The following TMC5 variants were observed in gnomAD, a reference collection of about 807,000 sequenced individuals.
The protein encoded by TMC5 is transmembrane channel like 5, also known as transmembrane channel-like protein 5.
TMC5 carries 86 observed loss-of-function variants against 110.5 expected under a neutral mutation model. The ratio of observed to expected loss-of-function variants is 0.78; its 90% CI spans 0.65 to 0.93. The LOEUF (loss-of-function observed/expected upper bound fraction) is 0.93. Among genes scored for constraint, TMC5 ranks in the 40% least tolerant of loss-of-function variants. TMC5 has a pLI of 0.00. For missense variants in TMC5, 1,144 were observed against 1,222.8 expected, an observed-to-expected ratio of 0.94 and a Z score of 0.96; for synonymous variants, 455 against 439.5, an observed-to-expected ratio of 1.04 and a Z score of -0.44.
intron 5 of TMC5, chr16:19,457,033 G>C: frequency 6.3e-7 from 1 of 1,586,154 alleles, no homozygotes; most frequent in South Asian, 1.1e-5. Context: ...AAATGCTGGG[G>C]AAGAGAAGTA....
At chr16:19,435,291 A>T (rs561286057) in intron 2 of TMC5, among the ~76,000 whole-genome samples, 1 of 151,238 alleles carries the variant, frequency 6.6e-6, no homozygotes, top group African/African-American at 2.4e-5. Flanking sequence ...GGAGATTGAG[A>T]CCATCCTGGC....
intron 5 of TMC5, among the ~76,000 whole-genome samples, chr16:19,457,476 A>G (rs951708732): frequency 1.7e-4 from 26 of 152,148 alleles, no homozygotes; most frequent in Non-Finnish European, 3.5e-4. Context: ...GAAGGGATCA[A>G]TTTAAGACAT....
chr16:19,415,134 C>A (rs1389087536), upstream of TMC5, among the ~76,000 whole-genome samples: 2 of 152,196 alleles, frequency 1.3e-5, no homozygotes, highest in African/African-American at 4.8e-5. Flanking sequence ...TTATTGTCTA[C>A]CTGCAGACAA....
At chr16:19,414,456 T>C (rs1209783126), upstream of TMC5, among the ~76,000 whole-genome samples, 1 of 152,222 alleles carries the variant, frequency 6.6e-6, no homozygotes, top group Non-Finnish European at 1.5e-5. Flanking sequence ...TCATGTGTGT[T>C]ATTCCAGATT....
At chr16:19,424,779 T>C (rs1967057218) in intron 1 of TMC5, among the ~76,000 whole-genome samples, 1 of 152,200 alleles carries the variant, frequency 6.6e-6, no homozygotes, top group Non-Finnish European at 1.5e-5. Flanking sequence ...TCTCTAAGAA[T>C]GTGGATGTGT....
chr16:19,463,841 G>C lies in TMC5; in HGVS notation c.1302G>C (p.Thr434=), dbSNP rs373105621. ...ILNSISLWQK[T]LKIIGGKFGT... ...ATTCCATCAGCCTGTGGCAGAAGAC[G>C]CTGAAGATCATTGGAGGCAAGTTTG... is the stretch of plus-strand genomic sequence containing the variant. The change falls in exon 8 of 22, where the codon ACG becomes ACC. Residue 434 remains threonine (T), a synonymous_variant. Coordinates refer to ENST00000542583, the MANE Select transcript of TMC5 (RefSeq NM_001261841.2). The C allele has an allele frequency of 5.6e-6, 9 of 1,614,064 alleles. No individual in the cohort carries two copies. Among genetic ancestry groups the C allele is most frequent in the Admixed American group, 5.0e-5 (3 of 60,000 alleles).
intron 21 of TMC5, 127 bp from the exon 22 acceptor site, chr16:19,497,793 G>T: frequency 1.3e-6 from 1 of 775,486 alleles, no homozygotes; most frequent in Non-Finnish European, 2.1e-6. Flanking sequence ...AAGGATTATA[G>T]AAACTAAAAG....
chr16:19,488,096 A>AG (rs1022877481), intron 17 of TMC5, among the ~76,000 whole-genome samples: 1 of 151,988 alleles, frequency 6.6e-6, no homozygotes, highest in African/African-American at 2.4e-5. Context: ...AGCCTGATAA[A>AG]GGGGGCGGTT....
chr16:19,490,243 G>C lies in TMC5; in HGVS notation c.2574-152G>C. 5.3e-6 allele frequency: 4 copies of C among 759,946 alleles called. No individual in the cohort carries two copies. The South Asian group carries it at 7.0e-5, about 13-fold the overall frequency. 47.1% of individuals were successfully genotyped at this position (759,946 alleles called of 1,614,324 possible). A position where few individuals can be genotyped will look rare whatever the true frequency, so the allele number is the denominator to read the frequency against. ...GAGTACAGGTCACCCCAGCAAGGCTGAGAGCAAGAGGGTTTCTTTGGGAAG... is the reference window on the plus strand; with the variant it reads ...GAGTACAGGTCACCCCAGCAAGGCTCAGAGCAAGAGGGTTTCTTTGGGAAG... On this transcript the variant is annotated intron_variant, in intron 17 of 21. Coordinates refer to ENST00000542583, the MANE Select transcript of TMC5 (RefSeq NM_001261841.2).
At chr16:19,491,011 T>C (rs1409598847) in intron 18 of TMC5, among the ~76,000 whole-genome samples, 11 of 111,430 alleles carry the variant, frequency 9.9e-5, no homozygotes, top group African/African-American at 3.9e-4. Context: ...TCCTTACTTC[T>C]CTCTTTCTTT....
chr16:19,495,008 A>ATTTTTTTT lies in TMC5; in HGVS notation c.2931+644_2931+645insTTTTTTTT, dbSNP rs1226858039. Among the ~76,000 whole-genome samples the ATTTTTTTT allele has an allele frequency of 9.7e-4, 36 of 37,130 alleles. 4 individuals carry two copies. Among genetic ancestry groups the ATTTTTTTT allele is most frequent in the Admixed American group, 1.6e-3 (7 of 4,512 alleles). 24.4% of individuals were successfully genotyped at this position (37,130 alleles called of 152,430 possible). A position where few individuals can be genotyped will look rare whatever the true frequency, so the allele number is the denominator to read the frequency against. On this transcript the variant is annotated intron_variant, in intron 20 of 21. Transcript: ENST00000542583. Reference sequence around the variant, plus strand: ...TCTCACTATGAATACTTCAGTGTCTATTCTTTTTTTTTTTTTTTTTTTTTG... The same window carrying ATTTTTTTT: ...TCTCACTATGAATACTTCAGTGTCTATTTTTTTTTTCTTTTTTTTTTTTTTTTTTTTTG...
Position 19,429,517 on chromosome 16 carries a change from C to T in TMC5, c.-307-896C>T, listed in dbSNP as rs538820895. Reference sequence around the variant, plus strand: ...GAGCAATCAAGAGCAGGCAAGCAAACGAAATCAATGTCTCTGCTGAAATGT... The same window carrying T: ...GAGCAATCAAGAGCAGGCAAGCAAATGAAATCAATGTCTCTGCTGAAATGT... On this transcript the variant is annotated intron_variant, in intron 1 of 21. Transcript: ENST00000542583. Among the ~76,000 whole-genome samples the T allele has an allele frequency of 7.3e-4, 111 of 152,250 alleles. 5 individuals are homozygous for T. In the South Asian group the frequency reaches 0.022, roughly 30 times the overall value.
chr16:19,487,100 G>A (rs1415188820), intron 16 of TMC5, 80 bp downstream of exon 16: 1 of 1,607,988 alleles, frequency 6.2e-7, no homozygotes, highest in Non-Finnish European at 8.5e-7. Flanking sequence ...GGGGAAGGGG[G>A]CTCTGCAAAG....
intron 5 of TMC5, among the ~76,000 whole-genome samples, chr16:19,456,212 A>C (rs1394725751): frequency 7.0e-6 from 1 of 143,308 alleles, no homozygotes; most frequent in African/African-American, 2.9e-5. Context: ...ATCTCAAAAA[A>C]AAAAATATAT....
chr16:19,462,889 C>A (rs776260565), intron 6 of TMC5, among the ~76,000 whole-genome samples: 64 of 146,714 alleles, frequency 4.4e-4, no homozygotes, highest in Non-Finnish European at 8.4e-4. Context: ...CAGAGTGAGA[C>A]GCCATCTCAA....
chr16:19,479,574 C>T, intron 14 of TMC5, 46 bp downstream of exon 14: 1 of 1,374,554 alleles, frequency 7.3e-7, no homozygotes, highest in Non-Finnish European at 1.0e-6. Context: ...ATGCTGTAAA[C>T]AGAACCTGAT....
At chr16:19,494,444 A>C (rs12448446) in intron 20 of TMC5, 78 bp downstream of exon 20, 71 of 934,346 alleles carry the variant, frequency 7.6e-5, no homozygotes, top group Middle Eastern at 4.9e-4. Context: ...AGAACTACAG[A>C]CCAAGCTCTT....
chr16:19,438,517 C>G (rs530945844), intron 2 of TMC5, among the ~76,000 whole-genome samples: 1 of 148,592 alleles, frequency 6.7e-6, no homozygotes, highest in Non-Finnish European at 1.5e-5. Context: ...GAGGCCGAGA[C>G]GGGTGGATCA....
Position 19,469,748 on chromosome 16 carries a change from ATC to A in TMC5, c.1707_1708del (p.Phe570LeufsTer9). On this transcript the variant is annotated frameshift_variant, in exon 10 of 22. Transcript: ENST00000542583. LOFTEE classifies it high-confidence loss of function. ...HIYSGGITKLIFCWDFTVTHE... is the reference protein window; with the variant it reads ...HIYSGGITKLXFCWDFTVTHE... ...TTACTCCGGAGGGATCACCAAGCTG[ATC>A]TTTTGCTGGGACTTCACTGTCACTC... 6.2e-7 allele frequency: 1 copy of A among 1,614,174 alleles called. No homozygotes were observed. Among genetic ancestry groups the A allele is most frequent in the Non-Finnish European group, 8.5e-7 (1 of 1,180,008 alleles).
Sources: allele counts gnomAD v4.1 joint callset (sites outside exome capture counted in the v4.1 genomes callset), GRCh38; gene constraint gnomAD v4.1.1; transcripts MANE v1.5; gene names NCBI Gene and HGNC (gene_info 2026-07-23, HGNC 2026-07-21).